SGCZ: variants seen among roughly 807,000 people sequenced by gnomAD.
The protein encoded by SGCZ is zeta-sarcoglycan.
Under a neutral mutation model 41.3 loss-of-function variants are expected in SGCZ, and 40 were observed. The ratio of observed to expected loss-of-function variants is 0.97; its 90% confidence interval spans 0.75 to 1.26. The LOEUF (loss-of-function observed/expected upper bound fraction) is 1.26, where lower values mean the gene tolerates loss of function less well. SGCZ is among the 50% of genes most tolerant of loss of function. The pLI, the probability that SGCZ is intolerant of heterozygous loss-of-function variation, is 0.00. For synonymous variants in SGCZ, 206 were observed against 137.5 expected (o/e 1.50, Z -3.49); for missense variants, 552 against 369.8 (o/e 1.49, Z -4.04).
chr8:14,088,854 C>T lies in SGCZ; in HGVS notation c.*1589G>A, dbSNP rs1019738017. Among the ~76,000 whole-genome samples, 1 of 151,886 alleles carries T rather than the reference C, an allele frequency of 6.6e-6. No homozygotes were observed. The highest frequency in any genetic ancestry group is 1.5e-5 in the Non-Finnish European group (1 of 67,898). On this transcript the variant is annotated 3_prime_UTR_variant, in exon 8 of 8. Coordinates refer to ENST00000382080, the MANE Select transcript of SGCZ (RefSeq NM_139167.4). ...CACATCTTTTGCAACAAGTTCTAAT[C>T]TCCCAGTTCACTCTGAGCTGTAGAC... is the stretch of plus-strand genomic sequence containing the variant.
At chr8:14,419,561 T>A (rs1030061609) in intron 2 of SGCZ, among the ~76,000 whole-genome samples, 2 of 152,086 alleles carry the variant, frequency 1.3e-5, no homozygotes, top group South Asian at 2.1e-4. Context: ...AAAACAATAT[T>A]CGTAAACATT....
chr8:14,303,291 G>C (rs1801253276), intron 3 of SGCZ, among the ~76,000 whole-genome samples: 1 of 152,184 alleles, frequency 6.6e-6, no homozygotes, highest in South Asian at 2.1e-4. Flanking sequence ...TGCATGAAAT[G>C]AACATGAATT....
chr8:14,414,257 T>G (rs1057486352), intron 2 of SGCZ, among the ~76,000 whole-genome samples: 3 of 151,786 alleles, frequency 2.0e-5, no homozygotes, highest in Non-Finnish European at 4.4e-5. Flanking sequence ...AAAAATTGGT[T>G]TTATATTCCT....
At chr8:14,185,082 AT>A (rs1804859273) in intron 4 of SGCZ, among the ~76,000 whole-genome samples, 1 of 152,104 alleles carries the variant, frequency 6.6e-6, no homozygotes, top group African/African-American at 2.4e-5. Context: ...GTACTACAAA[AT>A]TTTTCCACGT....
chr8:14,253,481 T>C (rs759611542), intron 3 of SGCZ, among the ~76,000 whole-genome samples: 1 of 152,148 alleles, frequency 6.6e-6, no homozygotes, highest in Non-Finnish European at 1.5e-5. Flanking sequence ...AAGTAATCTT[T>C]ATGCCTCAAA....
intron 1 of SGCZ, among the ~76,000 whole-genome samples, chr8:15,175,155 A>T (rs1368165074): frequency 6.6e-6 from 1 of 152,160 alleles, no homozygotes; most frequent in East Asian, 1.9e-4. Context: ...AAGAAATTCC[A>T]CTTGACCGAG....
intron 1 of SGCZ, among the ~76,000 whole-genome samples, chr8:14,727,581 G>C (rs931930870): frequency 1.3e-5 from 2 of 151,278 alleles, no homozygotes; most frequent in Non-Finnish European, 2.9e-5. Flanking sequence ...CCAGATCTGA[G>C]CTCACCACAA....
rs547823272 is a variant in SGCZ at position 14,085,807 on chromosome 8, C to T, written c.*4636G>A. Among the ~76,000 whole-genome samples, 8 of 151,866 alleles carry T rather than the reference C, an allele frequency of 5.3e-5. No individual in the cohort carries two copies. Among genetic ancestry groups the T allele is most frequent in the African/African-American group, 1.7e-4 (7 of 41,522 alleles). The stretch of plus-strand genomic sequence containing the variant: ...TCCTTAATTTATACAACTCAGGATC[C>T]TCCAAGAAGGATGTTTACTACCTCA... On this transcript the variant is annotated 3_prime_UTR_variant, in exon 8 of 8. Coordinates refer to ENST00000382080, the MANE Select transcript of SGCZ (RefSeq NM_139167.4).
At chr8:14,329,267 G>T (rs187119793) in intron 2 of SGCZ, among the ~76,000 whole-genome samples, 145 of 152,254 alleles carry the variant, frequency 9.5e-4, no homozygotes, top group Admixed American at 2.8e-3. Flanking sequence ...AAACCCAAAT[G>T]TGTATTTTAT....
chr8:14,724,356 G>A (rs1239691570), intron 1 of SGCZ, among the ~76,000 whole-genome samples: 2 of 151,632 alleles, frequency 1.3e-5, no homozygotes, highest in East Asian at 3.9e-4. Context: ...TATTTCTATT[G>A]TGAAGTCTTT....
chr8:14,235,643 T>A (rs1585261521), intron 4 of SGCZ, among the ~76,000 whole-genome samples: 2 of 152,172 alleles, frequency 1.3e-5, no homozygotes, highest in Non-Finnish European at 2.9e-5. Context: ...ATTAAGTAGC[T>A]ATTGTGTCTG....
At chr8:14,113,778 A>G (rs971307171) in intron 5 of SGCZ, among the ~76,000 whole-genome samples, 1 of 152,080 alleles carries the variant, frequency 6.6e-6, no homozygotes, top group Admixed American at 6.6e-5. Context: ...ATATTTTAAG[A>G]ACCCAGTGTC....
chr8:14,124,349 A>G (rs1413019526), intron 5 of SGCZ, among the ~76,000 whole-genome samples: 2 of 152,116 alleles, frequency 1.3e-5, no homozygotes, highest in Non-Finnish European at 2.9e-5. Flanking sequence ...TATTATTTAC[A>G]TGAACATGGC....
At chr8:14,129,985 G>A (rs1280245328) in intron 5 of SGCZ, among the ~76,000 whole-genome samples, 2 of 152,078 alleles carry the variant, frequency 1.3e-5, no homozygotes, top group Non-Finnish European at 2.9e-5. Flanking sequence ...TATGGAAAAC[G>A]TGATCCCAAG....
chr8:15,066,301 C>T (rs1277031824), intron 1 of SGCZ, among the ~76,000 whole-genome samples: 2 of 128,980 alleles, frequency 1.6e-5, no homozygotes, highest in African/African-American at 5.8e-5. Context: ...GGCGACAGAG[C>T]GAGACTCCGT....
chr8:14,099,456 G>T (rs1035512705), intron 7 of SGCZ, among the ~76,000 whole-genome samples: 2 of 152,204 alleles, frequency 1.3e-5, no homozygotes, highest in Non-Finnish European at 2.9e-5. Context: ...GTCAGGTGCG[G>T]TGGCTCACGC....
intron 2 of SGCZ, among the ~76,000 whole-genome samples, chr8:14,413,629 T>G (rs1371476078): frequency 6.6e-6 from 1 of 152,062 alleles, no homozygotes; most frequent in Non-Finnish European, 1.5e-5. Context: ...TATCTTAGAT[T>G]TCACTGTCTT....
At chr8:15,175,094 TC>T (rs1395305211) in intron 1 of SGCZ, among the ~76,000 whole-genome samples, 1 of 151,518 alleles carries the variant, frequency 6.6e-6, no homozygotes, top group East Asian at 2.0e-4. Context: ...TGCACGTGTA[TC>T]CCAGAACTTA....
chr8:14,463,550 A>G (rs1051521355), intron 2 of SGCZ, among the ~76,000 whole-genome samples: 1 of 151,640 alleles, frequency 6.6e-6, no homozygotes, highest in South Asian at 2.1e-4. Flanking sequence ...TTAAGGAAAC[A>G]TTGGGCAAAA....
Sources: gnomAD v4.1 joint callset for allele counts (sites outside exome capture counted in the v4.1 genomes callset) on GRCh38, gnomAD v4.1.1 for gene constraint, MANE v1.5 for transcripts, NCBI Gene and HGNC (gene_info 2026-07-23, HGNC 2026-07-21) for gene names.